The following EXOC4 variants were observed in gnomAD, a reference collection of about 807,000 sequenced individuals.
EXOC4 encodes SEC8-like 1.
In EXOC4, 71 loss-of-function variants were observed where a neutral mutation model predicts 107.2. The ratio of observed to expected loss-of-function variants is 0.66; its 90% CI spans 0.55 to 0.81. The LOEUF (loss-of-function observed/expected upper bound fraction) is 0.81, where lower values mean the gene tolerates loss of function less well. Among genes scored for constraint, EXOC4 ranks in the 30% least tolerant of loss-of-function variants. The pLI, the probability that EXOC4 is intolerant of heterozygous loss-of-function variation, is 0.00. For synonymous variants in EXOC4, 456 were observed against 441.2 expected (o/e 1.03, Z -0.42); for missense variants, 1,108 against 1,189.6 (o/e 0.93, Z 1.01).
chr7:133,929,764 C>CTT (rs1212110368), intron 13 of EXOC4, among the ~76,000 whole-genome samples: 3 of 152,096 alleles, frequency 2.0e-5, no homozygotes, highest in African/African-American at 7.2e-5. Flanking sequence ...CTGCTCCCTT[C>CTT]TTTGCGTCAA....
intron 9 of EXOC4, among the ~76,000 whole-genome samples, chr7:133,482,280 C>T (rs1041616894): frequency 6.6e-6 from 1 of 152,100 alleles, no homozygotes; most frequent in African/African-American, 2.4e-5. Context: ...CACACATGCC[C>T]ACCTTCCTCC....
chr7:133,635,963 G>A (rs917737438), intron 10 of EXOC4, among the ~76,000 whole-genome samples: 53 of 152,288 alleles, frequency 3.5e-4, no homozygotes, highest in African/African-American at 1.3e-3. Flanking sequence ...TAATTAAAGT[G>A]GTATTTAATC....
At chr7:133,533,278 G>T (rs1303930859) in intron 9 of EXOC4, among the ~76,000 whole-genome samples, 1 of 152,072 alleles carries the variant, frequency 6.6e-6, no homozygotes, top group African/African-American at 2.4e-5. Context: ...GTTATGTCTG[G>T]TATATAATAT....
chr7:133,304,778 T>A (rs1416704347), intron 3 of EXOC4, among the ~76,000 whole-genome samples: 2 of 152,212 alleles, frequency 1.3e-5, no homozygotes, highest in African/African-American at 4.8e-5. Context: ...TATCCATAAT[T>A]ACATTTAAGG....
intron 7 of EXOC4, among the ~76,000 whole-genome samples, chr7:133,426,916 G>C (rs1361354955): frequency 6.6e-6 from 1 of 152,164 alleles, no homozygotes; most frequent in Non-Finnish European, 1.5e-5. Context: ...TATATTGACA[G>C]TGTGATCCAT....
chr7:133,586,868 T>C (rs1801417800), intron 9 of EXOC4, among the ~76,000 whole-genome samples: 1 of 152,158 alleles, frequency 6.6e-6, no homozygotes, highest in South Asian at 2.1e-4. Flanking sequence ...TCTCACTCCG[T>C]CACCCAGGCT....
intron 10 of EXOC4, among the ~76,000 whole-genome samples, chr7:133,717,896 T>G (rs190795047): frequency 6.6e-6 from 1 of 152,312 alleles, no homozygotes; most frequent in African/African-American, 2.4e-5. Context: ...GGATCACCTC[T>G]CTTATAAACA....
At chr7:133,451,425 C>G (rs577378028) in intron 7 of EXOC4, among the ~76,000 whole-genome samples, 4 of 151,962 alleles carry the variant, frequency 2.6e-5, no homozygotes, top group African/African-American at 7.2e-5. Context: ...AATGGGATTT[C>G]AAATTTAAAT....
intron 7 of EXOC4, among the ~76,000 whole-genome samples, chr7:133,463,038 G>T (rs1798631983): frequency 6.6e-6 from 1 of 152,186 alleles, no homozygotes; most frequent in South Asian, 2.1e-4. Context: ...AGACTGTCAT[G>T]AGATGCATGT....
intron 7 of EXOC4, among the ~76,000 whole-genome samples, chr7:133,399,914 G>A (rs1278974696): frequency 6.6e-6 from 1 of 152,188 alleles, no homozygotes; most frequent in African/African-American, 2.4e-5. Context: ...TATGTGTTTA[G>A]TCACCATTCA....
At chr7:133,705,711 C>T (rs964474902) in intron 10 of EXOC4, among the ~76,000 whole-genome samples, 10 of 152,240 alleles carry the variant, frequency 6.6e-5, no homozygotes, top group East Asian at 3.9e-4. Flanking sequence ...ACTTCATAAT[C>T]GAGATGGCTA....
chr7:133,964,493 G>A (rs1363102799), intron 14 of EXOC4, among the ~76,000 whole-genome samples: 1 of 151,850 alleles, frequency 6.6e-6, no homozygotes, highest in African/African-American at 2.4e-5. Context: ...CCGACCTCCC[G>A]ACAGGCCCCA....
intron 10 of EXOC4, among the ~76,000 whole-genome samples, chr7:133,718,789 C>T (rs779462520): frequency 2.6e-5 from 4 of 152,088 alleles, no homozygotes; most frequent in African/African-American, 4.8e-5. Flanking sequence ...AGGAAGGATC[C>T]TCTGAGAAAG....
intron 14 of EXOC4, among the ~76,000 whole-genome samples, chr7:133,971,336 A>G (rs544739908): frequency 9.4e-4 from 65 of 68,790 alleles, no homozygotes; most frequent in South Asian, 6.5e-3. Context: ...GAAAATGTGT[A>G]TATATATATA....
In EXOC4 at chr7:133,341,290, C is replaced by G. The variant is rs1428386705; in HGVS notation, c.764-15040C>G. 3.3e-5 allele frequency among the ~76,000 whole-genome samples: 5 copies of G among 152,280 alleles called. No homozygotes were observed. The East Asian group carries it at 5.8e-4, about 18-fold the overall frequency. ...TTCCATCTTGATTTCCTTGTTGATG[C>G]AAAGACCATTCAGGAGCAGGTTATT... is the stretch of plus-strand genomic sequence containing the variant. On this transcript the variant is annotated intron_variant, in intron 5 of 17. Coordinates refer to ENST00000253861, the MANE Select transcript of EXOC4 (RefSeq NM_021807.4).
intron 10 of EXOC4, among the ~76,000 whole-genome samples, chr7:133,685,349 T>C (rs1408005687): frequency 6.6e-6 from 1 of 152,160 alleles, no homozygotes; most frequent in Non-Finnish European, 1.5e-5. Flanking sequence ...CCCCCTTTGC[T>C]CGGCACTTAT....
intron 10 of EXOC4, among the ~76,000 whole-genome samples, chr7:133,670,832 GA>G (rs1005680483): frequency 5.3e-5 from 8 of 152,130 alleles, no homozygotes; most frequent in East Asian, 1.9e-4. Context: ...ATCAAGTAAT[GA>G]AAAAAACCTG....
At chr7:133,800,707 T>A (rs1303292288) in intron 10 of EXOC4, among the ~76,000 whole-genome samples, 1 of 152,354 alleles carries the variant, frequency 6.6e-6, no homozygotes, top group African/African-American at 2.4e-5. Context: ...CCCTGGTCAT[T>A]GCTTTCAAAG....
intron 7 of EXOC4, among the ~76,000 whole-genome samples, chr7:133,470,615 T>C (rs1394831981): frequency 1.3e-5 from 2 of 152,216 alleles, no homozygotes; most frequent in Non-Finnish European, 2.9e-5. Context: ...CCTTTAGTTT[T>C]TACAGATTAT....
Sources: allele counts gnomAD v4.1 joint callset (sites outside exome capture counted in the v4.1 genomes callset), GRCh38; gene constraint gnomAD v4.1.1; transcripts MANE v1.5; gene names NCBI Gene and HGNC (gene_info 2026-07-23, HGNC 2026-07-21).